The following C12orf42 variants were observed in gnomAD, a reference collection of about 807,000 sequenced individuals.
C12orf42 encodes chromosome 12 open reading frame 42.
A neutral mutation model predicts 21.6 loss-of-function variants in C12orf42; 25 were observed. The observed-to-expected ratio is 1.16, with a 90% confidence interval of 0.84 to 1.62. The LOEUF (loss-of-function observed/expected upper bound fraction) is 1.62, where lower values mean the gene tolerates loss of function less well. Among genes scored for constraint, C12orf42 ranks in the 40% most tolerant of loss-of-function variants. The pLI, the probability that C12orf42 is intolerant of heterozygous loss-of-function variation, is 0.00. For synonymous variants in C12orf42, 174 were observed against 175.0 expected, an observed-to-expected ratio of 0.99 and a Z score of 0.05; for missense variants, 483 against 459.3, an observed-to-expected ratio of 1.05 and a Z score of -0.47.
chr12:103,269,890 G>C (rs1221259436), intron 5 of C12orf42: 1 of 152,182 alleles, frequency 6.6e-6, no homozygotes, highest in Non-Finnish European at 1.5e-5. Flanking sequence ...GGATATTCAA[G>C]GCACTGGGGA....
At chr12:103,511,424 T>C in the C12orf42 span, among the ~76,000 whole-genome samples, 1 of 151,530 alleles carries the variant, frequency 6.6e-6, no homozygotes, top group South Asian at 2.1e-4. Flanking sequence ...ACATGTTATA[T>C]ATAATGCATG....
intron 5 of C12orf42, chr12:103,270,089 C>A (rs2136254181): frequency 6.6e-6 from 1 of 151,976 alleles, no homozygotes; most frequent in East Asian, 1.9e-4. Flanking sequence ...ATGGGAAGTC[C>A]CTAAAGAATT....
the C12orf42 span, among the ~76,000 whole-genome samples, chr12:103,190,303 T>G: frequency 1.3e-5 from 2 of 152,216 alleles, no homozygotes; most frequent in African/African-American, 4.8e-5. Context: ...TTCTTCTGCC[T>G]GCTTTGTTCT....
At chr12:103,180,345 C>T in the C12orf42 span, among the ~76,000 whole-genome samples, 3 of 151,940 alleles carry the variant, frequency 2.0e-5, no homozygotes, top group East Asian at 1.9e-4. Flanking sequence ...ATGGCAATAA[C>T]GAACTAAAGA....
At chr12:103,348,328 A>G (rs1024590455) in intron 4 of C12orf42, among the ~76,000 whole-genome samples, 9 of 152,218 alleles carry the variant, frequency 5.9e-5, no homozygotes, top group African/African-American at 2.2e-4. Flanking sequence ...CCGGAAAACA[A>G]GACAAGGAAG....
intron 2 of C12orf42, among the ~76,000 whole-genome samples, chr12:103,416,634 AAAAG>A (rs1157336277): frequency 6.6e-6 from 1 of 151,994 alleles, no homozygotes; most frequent in Non-Finnish European, 1.5e-5. Context: ...CAGTTAAAAA[AAAAG>A]AGTTTGCTTC....
chr12:103,437,210 G>T (rs199791010), intron 2 of C12orf42, among the ~76,000 whole-genome samples: 1 of 152,066 alleles, frequency 6.6e-6, no homozygotes, highest in Admixed American at 6.5e-5. Context: ...AAACCAGCGA[G>T]AACAAAGACA....
intron 3 of C12orf42, among the ~76,000 whole-genome samples, chr12:103,371,937 T>C (rs1426922311): frequency 6.6e-6 from 1 of 152,160 alleles, no homozygotes; most frequent in African/African-American, 2.4e-5. Flanking sequence ...GTAGTAAGTA[T>C]TGAAAGCAAG....
chr12:103,070,388 C>A, the C12orf42 span, among the ~76,000 whole-genome samples: 1 of 152,048 alleles, frequency 6.6e-6, no homozygotes, highest in Non-Finnish European at 1.5e-5. Context: ...TATGCCAAGA[C>A]TTGTCTCCTT....
intron 2 of C12orf42, among the ~76,000 whole-genome samples, chr12:103,455,225 C>T (rs148446926): frequency 5.0e-4 from 76 of 152,254 alleles, no homozygotes; most frequent in African/African-American, 1.6e-3. Context: ...GACTTCTATT[C>T]AAGATGATGC....
In C12orf42 at chr12:103,294,428, G is replaced by GAGAGAAAGAAAGAAAGAAAGAA. The variant is rs754499754; in HGVS notation, n.338-17219_338-17218insTTCTTTCTTTCTTTCTTTCTCT. ...AAGAAAGAAAGAGAGAAAGGAGAGA[G>GAGAGAAAGAAAGAAAGAAAGAA]AGAAAGAAAGAAAGAAAGAAAGAAA... On this transcript the variant is annotated intron_variant and non_coding_transcript_variant, in intron 4 of 6. Transcript: ENST00000546526. 2.9e-4 allele frequency among the ~76,000 whole-genome samples: 28 copies of GAGAGAAAGAAAGAAAGAAAGAA among 96,078 alleles called. 1 individual carries two copies. The highest frequency in any genetic ancestry group is 1.3e-3 in the African/African-American group (28 of 22,384). The allele number at this position is 96,078 out of a possible 152,430, so 63.0% of individuals were successfully genotyped here.
At chr12:103,066,919 C>A in the C12orf42 span, among the ~76,000 whole-genome samples, 1 of 152,198 alleles carries the variant, frequency 6.6e-6, no homozygotes, top group African/African-American at 2.4e-5. Context: ...ACCCAATCAC[C>A]CCTATCATTG....
At chr12:103,307,143 T>C (rs1409401614) in intron 4 of C12orf42, among the ~76,000 whole-genome samples, 2 of 152,182 alleles carry the variant, frequency 1.3e-5, no homozygotes, top group African/African-American at 4.8e-5. Context: ...TGTGGTAATT[T>C]ATTACAGTGG....
chr12:103,493,946 A>G (rs927306382), intron 1 of C12orf42, among the ~76,000 whole-genome samples: 7 of 152,210 alleles, frequency 4.6e-5, no homozygotes, highest in Admixed American at 6.5e-5. Flanking sequence ...CTTTCTTTGA[A>G]TTCCAGTAAG....
At chr12:103,275,436 G>A (rs2035708480) in intron 5 of C12orf42, among the ~76,000 whole-genome samples, 1 of 152,022 alleles carries the variant, frequency 6.6e-6, no homozygotes, top group Non-Finnish European at 1.5e-5. Flanking sequence ...GAAATACATT[G>A]AAATTAAATA....
At chr12:103,256,581 A>G (rs1472471231) in intron 10 of C12orf42, among the ~76,000 whole-genome samples, 1 of 152,180 alleles carries the variant, frequency 6.6e-6, no homozygotes, top group African/African-American at 2.4e-5. Flanking sequence ...AACACCTAAG[A>G]AACTGAAAAT....
the C12orf42 span, among the ~76,000 whole-genome samples, chr12:103,139,993 T>C: frequency 2.0e-5 from 3 of 152,166 alleles, no homozygotes; most frequent in Non-Finnish European, 2.9e-5. Flanking sequence ...TCTCTCCTTA[T>C]GCCCTGAAAT....
intron 4 of C12orf42, among the ~76,000 whole-genome samples, chr12:103,279,230 G>GC (rs567104564): frequency 4.6e-5 from 7 of 151,794 alleles, no homozygotes; most frequent in African/African-American, 1.5e-4. Flanking sequence ...TGTTCTTACT[G>GC]CCCCCCACCA....
At chr12:103,074,988 C>T in the C12orf42 span, among the ~76,000 whole-genome samples, 2 of 151,960 alleles carry the variant, frequency 1.3e-5, no homozygotes, top group African/African-American at 4.8e-5. Context: ...ACTTGGGAGG[C>T]TGATGTGGGA....
Sources: gnomAD v4.1 joint callset for allele counts (sites outside exome capture counted in the v4.1 genomes callset) on GRCh38, gnomAD v4.1.1 for gene constraint, MANE v1.5 for transcripts, NCBI Gene and HGNC (gene_info 2026-07-23, HGNC 2026-07-21) for gene names.